Variants in ZNF721 observed in about 807,000 individuals in gnomAD.
ZNF721 encodes the protein zinc finger protein 721.
In ZNF721, 2 loss-of-function variants were observed where a neutral mutation model predicts 2.4. The observed-to-expected ratio is 0.82, with a 90% CI of 0.34 to 2.58. The LOEUF is 2.58. Among genes scored for constraint, ZNF721 ranks in the 30% most tolerant of loss-of-function variants. The pLI is 0.11. For missense variants in ZNF721, 1,187 were observed against 1,085.5 expected (o/e 1.09, Z -1.31); for synonymous variants, 398 against 381.8 (o/e 1.04, Z -0.50).
At chr4:491,119 T>C (rs1576974130) in intron 1 of ZNF721, among the ~76,000 whole-genome samples, 1 of 152,104 alleles carries the variant, frequency 6.6e-6, no homozygotes, top group African/African-American at 2.4e-5. Flanking sequence ...TTCTGGCTTT[T>C]GGGGGCTTTA....
At position 441,600 on chromosome 4, in the gene ZNF721, C is replaced by G. The variant is rs1159035763; in HGVS notation, c.*95G>C. The G allele has an allele frequency of 9.6e-7, 1 of 1,041,904 alleles. No homozygotes were observed. Among genetic ancestry groups the G allele is most frequent in the African/African-American group, 1.6e-5 (1 of 61,894 alleles). The allele number at this position is 1,041,904 out of a possible 1,614,324, so 64.5% of individuals were successfully genotyped here. ...AAAGGATTGAGGAGCATTTAAAGAC[C>G]GCGACATTCGTCACCTTCGTAAGAC... On this transcript the variant is annotated 3_prime_UTR_variant, in exon 3 of 3. Coordinates refer to ENST00000511833, the MANE Select transcript of ZNF721 (RefSeq NM_133474.4).
chr4:446,213 C>T (rs1714467849), intron 2 of ZNF721, among the ~76,000 whole-genome samples: 1 of 152,060 alleles, frequency 6.6e-6, no homozygotes, highest in Non-Finnish European at 1.5e-5. Flanking sequence ...AGTTCTGTAC[C>T]ACTATCCTAA....
At chr4:491,032 G>A (rs992460577) in intron 1 of ZNF721, among the ~76,000 whole-genome samples, 1 of 151,688 alleles carries the variant, frequency 6.6e-6, no homozygotes, top group Non-Finnish European at 1.5e-5. Context: ...GTATAGCACT[G>A]TGCCATTAGG....
At chr4:480,275 G>A (rs1197945190) in intron 1 of ZNF721, among the ~76,000 whole-genome samples, 1 of 152,146 alleles carries the variant, frequency 6.6e-6, no homozygotes, top group Non-Finnish European at 1.5e-5. Flanking sequence ...GTCATAAAAA[G>A]AATATTAATT....
At chr4:495,887 C>T (rs999967324) in intron 1 of ZNF721, among the ~76,000 whole-genome samples, 1 of 152,140 alleles carries the variant, frequency 6.6e-6, no homozygotes, top group Non-Finnish European at 1.5e-5. Flanking sequence ...CAGGCGTGAG[C>T]CACTGAGCAT....
At chr4:485,035 G>A (rs1257610360) in intron 1 of ZNF721, among the ~76,000 whole-genome samples, 1 of 152,084 alleles carries the variant, frequency 6.6e-6, no homozygotes, top group Non-Finnish European at 1.5e-5. Context: ...TCTCAAGCCG[G>A]CCGACACTTA....
chr4:468,709 G>A (rs190321821), intron 2 of ZNF721, among the ~76,000 whole-genome samples: 1 of 152,256 alleles, frequency 6.6e-6, no homozygotes, highest in African/African-American at 2.4e-5. Flanking sequence ...TGCAACCCCA[G>A]AGGTAATCTC....
chr4:491,736 T>C (rs1716026838), intron 1 of ZNF721, among the ~76,000 whole-genome samples: 1 of 152,228 alleles, frequency 6.6e-6, no homozygotes, highest in Non-Finnish European at 1.5e-5. Context: ...AAAGGAACAT[T>C]GTGTTTAAGA....
intron 2 of ZNF721, among the ~76,000 whole-genome samples, chr4:464,606 CATAA>C (rs1243347162): frequency 6.6e-6 from 1 of 151,590 alleles, no homozygotes; most frequent in African/African-American, 2.4e-5. Flanking sequence ...TAAAGTGTGA[CATAA>C]ATAGTGTGTT....
chr4:452,089 A>G lies in ZNF721; in HGVS notation c.35-7657T>C, dbSNP rs184538518. Among the ~76,000 whole-genome samples, 134 of 152,318 alleles carry G rather than the reference A, an allele frequency of 8.8e-4. No individual in the cohort carries two copies. The East Asian group carries it at 0.013, about 15-fold the overall frequency. The stretch of plus-strand genomic sequence containing the variant: ...CACGAGAAATGTAAGCTGGAAAAAA[A>G]GTGCTAATCTGACATCCTGACTGGC... On this transcript the variant is annotated intron_variant, in intron 2 of 2. Coordinates refer to ENST00000511833, the MANE Select transcript of ZNF721 (RefSeq NM_133474.4).
intron 2 of ZNF721, among the ~76,000 whole-genome samples, chr4:445,466 T>C (rs1213816264): frequency 6.6e-6 from 1 of 152,186 alleles, no homozygotes; most frequent in Non-Finnish European, 1.5e-5. Context: ...AAATAGCTTT[T>C]TGTTAATGTT....
rs781947510 is a variant in ZNF721, at chr4:473,934, C to A, written c.-93-1233G>T. On this transcript the variant is annotated intron_variant, in intron 1 of 2. Transcript: ENST00000511833. ...CCGCCGCCGCCATTTGCCGCCGGTT[C>A]TGATGAGGCCTCCCCAGCCTTGGGA... 4.7e-6 allele frequency: 7 copies of A among 1,500,822 alleles called. No individual in the cohort carries two copies. In the Admixed American group the frequency reaches 1.2e-4, roughly 27 times the overall value. 93.0% of individuals were successfully genotyped at this position (1,500,822 alleles called of 1,614,324 possible).
intron 2 of ZNF721, among the ~76,000 whole-genome samples, chr4:459,571 T>TA (rs1714952052): frequency 7.5e-6 from 1 of 133,620 alleles, no homozygotes; most frequent in Non-Finnish European, 1.7e-5. Context: ...GGCTCACACC[T>TA]GTAACTCCCA....
Position 440,532 on chromosome 4 carries a change from G to C in ZNF721, c.*1163C>G, listed in dbSNP as rs970355866. 1 of 152,156 alleles carries C rather than the reference G, an allele frequency of 6.6e-6. No homozygotes were observed. Among genetic ancestry groups the C allele is most frequent in the Non-Finnish European group, 1.5e-5 (1 of 68,028 alleles). The allele number at this position is 152,156 out of a possible 1,614,324, so 9.4% of individuals were successfully genotyped here. A position where few individuals can be genotyped will look rare whatever the true frequency, so the allele number is the denominator to read the frequency against. ...AATACTCTGATTTATTTTAAAGTCTGAAGTGTTAGTTCCTTAGTTCTTTCT... is the reference window on the plus strand; with the variant it reads ...AATACTCTGATTTATTTTAAAGTCTCAAGTGTTAGTTCCTTAGTTCTTTCT... On this transcript the variant is annotated 3_prime_UTR_variant, in exon 3 of 3. Transcript: ENST00000511833.
At chr4:448,552 CCT>C (rs1376070896) in intron 2 of ZNF721, among the ~76,000 whole-genome samples, 2 of 151,862 alleles carry the variant, frequency 1.3e-5, no homozygotes, top group African/African-American at 2.4e-5. Flanking sequence ...AAATGCAATC[CCT>C]GTCAAATTTG....
At chr4:468,335 C>T (rs2108708796) in intron 2 of ZNF721, among the ~76,000 whole-genome samples, 1 of 151,436 alleles carries the variant, frequency 6.6e-6, no homozygotes, top group South Asian at 2.1e-4. Context: ...GAGGCTGAGG[C>T]AGGAGAATCG....
At chr4:496,707 CTT>C (rs781947891) in intron 1 of ZNF721, among the ~76,000 whole-genome samples, 18 of 83,884 alleles carry the variant, frequency 2.1e-4, no homozygotes, top group Non-Finnish European at 3.1e-4. Flanking sequence ...TACATGACTT[CTT>C]TTTTTTTTTT....
intron 2 of ZNF721, among the ~76,000 whole-genome samples, chr4:450,726 A>G (rs1205403549): frequency 1.3e-5 from 2 of 151,750 alleles, no homozygotes; most frequent in Non-Finnish European, 2.9e-5. Context: ...TCACGACGTC[A>G]GGAGATCGAG....
At chr4:487,838 A>G (rs1483007831) in intron 1 of ZNF721, among the ~76,000 whole-genome samples, 2 of 150,870 alleles carry the variant, frequency 1.3e-5, no homozygotes, top group African/African-American at 4.9e-5. Flanking sequence ...TGAACTTCCT[A>G]CAACTAAACC....
Sources: gnomAD v4.1 joint callset for allele counts (sites outside exome capture counted in the v4.1 genomes callset) on GRCh38, gnomAD v4.1.1 for gene constraint, MANE v1.5 for transcripts, NCBI Gene and HGNC (gene_info 2026-07-23, HGNC 2026-07-21) for gene names.